LEMD1: variants seen among roughly 807,000 people sequenced by gnomAD.
The protein encoded by LEMD1 is LEM domain-containing protein 1.
A neutral mutation model predicts 17.4 loss-of-function variants in LEMD1; 18 were observed. The observed-to-expected ratio is 1.04, with a 90% CI of 0.72 to 1.54. The LOEUF is 1.54. Ranked by LOEUF, LEMD1 falls within the 40% of genes most tolerant of loss-of-function variation. The pLI, the probability that LEMD1 is intolerant of heterozygous loss-of-function variation, is 0.00. For missense variants in LEMD1, 195 were observed against 210.4 expected, an observed-to-expected ratio of 0.93 and a Z score of 0.45; for synonymous variants, 88 against 77.8, an observed-to-expected ratio of 1.13 and a Z score of -0.69.
intron 1 of LEMD1, among the ~76,000 whole-genome samples, chr1:205,445,163 A>G (rs757117225): frequency 3.0e-4 from 45 of 152,006 alleles, no homozygotes; most frequent in Non-Finnish European, 5.6e-4. Flanking sequence ...AAGGGGGTGA[A>G]TTGGGTTTTC....
At chr1:205,443,060 G>C (rs1453141189) in intron 1 of LEMD1, among the ~76,000 whole-genome samples, 1 of 152,214 alleles carries the variant, frequency 6.6e-6, no homozygotes, top group Non-Finnish European at 1.5e-5. Flanking sequence ...AGGGAGGGCA[G>C]GTGGATTCCC....
At chr1:205,409,364 C>T (rs55780799) in intron 4 of LEMD1, among the ~76,000 whole-genome samples, 9,858 of 152,180 alleles carry the variant, frequency 0.065, 418 homozygotes, top group East Asian at 0.11. Context: ...AAATATCATG[C>T]TTTTCATGTA....
At chr1:205,382,917 C>T (rs1043837076) in intron 5 of LEMD1, among the ~76,000 whole-genome samples, 1 of 152,176 alleles carries the variant, frequency 6.6e-6, no homozygotes, top group Non-Finnish European at 1.5e-5. Flanking sequence ...CCTAATTCTG[C>T]AAAACCTGCT....
At chr1:205,435,159 C>T (rs1195611582) in intron 1 of LEMD1, 1 of 152,234 alleles carries the variant, frequency 6.6e-6, no homozygotes, top group East Asian at 1.9e-4. Context: ...AGACCTGTCG[C>T]CAGGGTTGTG....
chr1:205,397,253 T>C (rs2102373802), intron 4 of LEMD1, among the ~76,000 whole-genome samples: 1 of 152,288 alleles, frequency 6.6e-6, no homozygotes, highest in Non-Finnish European at 1.5e-5. Context: ...TCCTCCCCTG[T>C]GGCCTTTTGA....
At chr1:205,447,854 T>G (rs1666430022) in intron 1 of LEMD1, among the ~76,000 whole-genome samples, 1 of 151,728 alleles carries the variant, frequency 6.6e-6, no homozygotes, top group South Asian at 2.1e-4. Context: ...AGCCCAGAGG[T>G]CTCCTTACAC....
upstream of LEMD1, among the ~76,000 whole-genome samples, chr1:205,425,703 G>C (rs1017985705): frequency 6.6e-6 from 1 of 152,166 alleles, no homozygotes; most frequent in Non-Finnish European, 1.5e-5. Flanking sequence ...GGTTCTGGCA[G>C]AAGCATCTTC....
intron 4 of LEMD1, 62 bp downstream of exon 4, chr1:205,416,170 C>A: frequency 9.4e-7 from 1 of 1,068,744 alleles, no homozygotes; most frequent in South Asian, 1.5e-5. Context: ...TACAGATGAA[C>A]AGAGCTACTC....
At chr1:205,409,755 C>T (rs1249631117) in intron 4 of LEMD1, among the ~76,000 whole-genome samples, 1 of 150,976 alleles carries the variant, frequency 6.6e-6, no homozygotes, top group African/African-American at 2.5e-5. Flanking sequence ...GCATGCGTGC[C>T]ACTATGCCCA....
chr1:205,443,915 G>T (rs1666339238), intron 1 of LEMD1, among the ~76,000 whole-genome samples: 1 of 152,170 alleles, frequency 6.6e-6, no homozygotes, highest in Non-Finnish European at 1.5e-5. Context: ...GCCAGGCTGT[G>T]GTCTCTGCTC....
At chr1:205,399,819 T>C (rs1664755008) in intron 4 of LEMD1, among the ~76,000 whole-genome samples, 1 of 152,186 alleles carries the variant, frequency 6.6e-6, no homozygotes, top group South Asian at 2.1e-4. Context: ...GAGTGAGTTA[T>C]TGAATGAATA....
At chr1:205,419,773 G>A (rs963015610) in intron 2 of LEMD1, among the ~76,000 whole-genome samples, 2 of 152,148 alleles carry the variant, frequency 1.3e-5, no homozygotes, top group South Asian at 2.1e-4. Flanking sequence ...GCCCAATTAC[G>A]GCTTTTTAAA....
intron 5 of LEMD1, among the ~76,000 whole-genome samples, chr1:205,382,436 A>AT (rs1410358952): frequency 2.0e-5 from 3 of 151,752 alleles, no homozygotes; most frequent in South Asian, 2.1e-4. Flanking sequence ...TAAAAAATAA[A>AT]TTTTTTTGTA....
intron 4 of LEMD1, among the ~76,000 whole-genome samples, chr1:205,411,702 G>A (rs1299563076): frequency 1.3e-5 from 2 of 149,802 alleles, no homozygotes; most frequent in South Asian, 2.1e-4. Flanking sequence ...AAAGAAAAAG[G>A]AAGAAAGAAA....
upstream of LEMD1, among the ~76,000 whole-genome samples, chr1:205,426,718 A>C (rs898657778): frequency 1.6e-4 from 25 of 152,294 alleles, no homozygotes; most frequent in Non-Finnish European, 3.2e-4. Flanking sequence ...GAGCTCCAGG[A>C]TTTCCCTGAG....
At chr1:205,443,801 G>A (rs936949672) in intron 1 of LEMD1, among the ~76,000 whole-genome samples, 2 of 152,190 alleles carry the variant, frequency 1.3e-5, no homozygotes, top group Non-Finnish European at 2.9e-5. Flanking sequence ...CTGAAGTGGG[G>A]GGACATGGGG....
chr1:205,430,229 G>C (rs1049234510), intron 1 of LEMD1, among the ~76,000 whole-genome samples: 1 of 152,192 alleles, frequency 6.6e-6, no homozygotes, highest in Non-Finnish European at 1.5e-5. Context: ...AAGGGTCCTC[G>C]GCTTCAGGCC....
rs1666373173 is a variant in LEMD1, at chr1:205,445,508, A to C, written c.-39+4360T>G. 3.3e-5 allele frequency among the ~76,000 whole-genome samples: 5 copies of C among 152,356 alleles called. No homozygotes were observed. The South Asian group carries it at 1.0e-3, about 32-fold the overall frequency. On this transcript the variant is annotated intron_variant, in intron 1 of 3. Coordinates refer to the LEMD1 transcript ENST00000367154. ...ATCACAGGCCAAGGCCTCTGCCTCC[A>C]ATGGCCTTCAGAGACCACAGACCCT...
intron 1 of LEMD1, among the ~76,000 whole-genome samples, chr1:205,421,644 A>G (rs2102445001): frequency 6.6e-6 from 1 of 152,348 alleles, no homozygotes; most frequent in South Asian, 2.1e-4. Context: ...TCTAGTACAC[A>G]TAGTAGGTAC....
Sources: allele counts gnomAD v4.1 joint callset (sites outside exome capture counted in the v4.1 genomes callset), GRCh38; gene constraint gnomAD v4.1.1; transcripts MANE v1.5; gene names NCBI Gene and HGNC (gene_info 2026-07-23, HGNC 2026-07-21).